Variants in RSU1 observed in about 807,000 individuals in gnomAD.
The protein encoded by RSU1 is Ras suppressor protein 1, also known as rsu-1.
In RSU1, 26 loss-of-function variants were observed where a neutral mutation model predicts 31.1. That is an observed-to-expected ratio of 0.84 (90% CI 0.61 to 1.16). The LOEUF (loss-of-function observed/expected upper bound fraction) is 1.16, where lower values mean the gene tolerates loss of function less well. Ranked by LOEUF, RSU1 falls within the 50% of genes most tolerant of loss-of-function variation. The pLI, the probability that RSU1 is intolerant of heterozygous loss-of-function variation, is 0.00. For missense variants in RSU1, 320 were observed against 339.1 expected (o/e 0.94, Z 0.44); for synonymous variants, 164 against 136.3 (o/e 1.20, Z -1.41).
intron 8 of RSU1, among the ~76,000 whole-genome samples, chr10:16,682,533 CAT>C (rs1301970406): frequency 1.6e-5 from 2 of 125,988 alleles, no homozygotes; most frequent in East Asian, 5.2e-4. Context: ...TAAAATCATT[CAT>C]ACACACACAC....
chr10:16,722,918 A>ATG (rs1302240975), intron 7 of RSU1, among the ~76,000 whole-genome samples: 10 of 149,792 alleles, frequency 6.7e-5, no homozygotes, highest in African/African-American at 2.2e-4. Context: ...ATATACATAT[A>ATG]TGTATATATA....
intron 3 of RSU1, among the ~76,000 whole-genome samples, chr10:16,768,260 C>G (rs191307930): frequency 6.6e-5 from 10 of 152,286 alleles, no homozygotes; most frequent in Admixed American, 6.5e-4. Context: ...TGGATTATGA[C>G]CATTTCCAAG....
chr10:16,628,859 G>C (rs7081810), intron 8 of RSU1, among the ~76,000 whole-genome samples: 2,559 of 152,168 alleles, frequency 0.017, 64 homozygotes, highest in African/African-American at 0.059. Context: ...AATGTAGAAT[G>C]AATTTCTTCT....
At chr10:16,656,381 T>C (rs1834779238) in intron 8 of RSU1, among the ~76,000 whole-genome samples, 1 of 152,244 alleles carries the variant, frequency 6.6e-6, no homozygotes, top group Admixed American at 6.5e-5. Flanking sequence ...TGCATTGTTA[T>C]TTACTTAATC....
intron 8 of RSU1, among the ~76,000 whole-genome samples, chr10:16,671,408 G>A (rs1263195737): frequency 2.0e-5 from 3 of 152,076 alleles, no homozygotes; most frequent in Non-Finnish European, 4.4e-5. Flanking sequence ...CTCCTGATAG[G>A]GACCTGCAAT....
chr10:16,708,788 C>T (rs972849938), intron 7 of RSU1, among the ~76,000 whole-genome samples: 5 of 151,244 alleles, frequency 3.3e-5, no homozygotes, highest in African/African-American at 9.7e-5. Context: ...ATATAGAGAG[C>T]TTTCAATTTG....
chr10:16,786,681 T>C (rs1391253144), intron 2 of RSU1, among the ~76,000 whole-genome samples: 1 of 152,138 alleles, frequency 6.6e-6, no homozygotes, highest in East Asian at 1.9e-4. Context: ...ATCTACCCAA[T>C]TCCAATACAT....
intron 2 of RSU1, among the ~76,000 whole-genome samples, chr10:16,805,207 AAAT>A (rs542547588): frequency 4.0e-5 from 6 of 151,524 alleles, no homozygotes; most frequent in Admixed American, 6.6e-5. Context: ...ACTCCATCTC[AAAT>A]AATAATAATA....
chr10:16,607,497 G>A (rs991564508), intron 8 of RSU1, among the ~76,000 whole-genome samples: 5 of 152,162 alleles, frequency 3.3e-5, no homozygotes, highest in Non-Finnish European at 5.9e-5. Flanking sequence ...CCACTAGCAG[G>A]GTGATTTGCA....
intron 8 of RSU1, among the ~76,000 whole-genome samples, chr10:16,686,075 T>A (rs1164775823): frequency 6.6e-6 from 1 of 152,154 alleles, no homozygotes; most frequent in Non-Finnish European, 1.5e-5. Context: ...TGCATTTTAA[T>A]CTAAAATAAC....
chr10:16,623,320 G>T (rs1190237127), intron 8 of RSU1, among the ~76,000 whole-genome samples: 1 of 152,118 alleles, frequency 6.6e-6, no homozygotes, highest in African/African-American at 2.4e-5. Flanking sequence ...ATTCGCTTAG[G>T]ATAATGGCCT....
intron 7 of RSU1, among the ~76,000 whole-genome samples, chr10:16,750,808 C>T (rs959609152): frequency 2.6e-5 from 4 of 151,826 alleles, no homozygotes; most frequent in Non-Finnish European, 5.9e-5. Context: ...GCAGAAGCTC[C>T]CCAGCTATTA....
intron 4 of RSU1, among the ~76,000 whole-genome samples, chr10:16,759,643 C>T (rs1837168417): frequency 6.6e-6 from 1 of 152,156 alleles, no homozygotes; most frequent in Non-Finnish European, 1.5e-5. Context: ...GCACGGTGGT[C>T]CTGCAGTGAA....
At chr10:16,802,620 T>C (rs57520154) in intron 2 of RSU1, among the ~76,000 whole-genome samples, 20 of 152,052 alleles carry the variant, frequency 1.3e-4, no homozygotes, top group Non-Finnish European at 2.8e-4. Flanking sequence ...ATCTCTCTCA[T>C]GGACATAGAT....
chr10:16,683,580 C>A (rs753433556), intron 8 of RSU1, among the ~76,000 whole-genome samples: 21 of 152,064 alleles, frequency 1.4e-4, no homozygotes, highest in Non-Finnish European at 2.5e-4. Flanking sequence ...TTTTATATGG[C>A]AAATTTACCA....
chr10:16,723,874 A>G (rs557588240), intron 7 of RSU1, among the ~76,000 whole-genome samples: 3 of 152,320 alleles, frequency 2.0e-5, no homozygotes, highest in Non-Finnish European at 4.4e-5. Flanking sequence ...CCATGTTAGT[A>G]ATCCTCACAT....
At chr10:16,676,585 T>C (rs1835237113) in intron 8 of RSU1, among the ~76,000 whole-genome samples, 4 of 152,222 alleles carry the variant, frequency 2.6e-5, no homozygotes, top group Non-Finnish European at 5.9e-5. Flanking sequence ...ACCAGAAGTA[T>C]TTTGGATTTC....
chr10:16,681,326 A>T (rs530502715), intron 8 of RSU1, among the ~76,000 whole-genome samples: 1 of 152,342 alleles, frequency 6.6e-6, no homozygotes, highest in Admixed American at 6.5e-5. Flanking sequence ...GACTACACTG[A>T]TTAATAAGTC....
chr10:16,748,062 C>T (rs1010634286), intron 7 of RSU1: 1 of 152,284 alleles, frequency 6.6e-6, no homozygotes, highest in African/African-American at 2.4e-5. Context: ...CATGCTATGC[C>T]TTTCCTCAAA....
Sources: allele counts gnomAD v4.1 joint callset (sites outside exome capture counted in the v4.1 genomes callset), GRCh38; gene constraint gnomAD v4.1.1; transcripts MANE v1.5; gene names NCBI Gene and HGNC (gene_info 2026-07-23, HGNC 2026-07-21).